The following PDE1C variants were observed in gnomAD, a reference collection of about 807,000 sequenced individuals.
PDE1C encodes phosphodiesterase 1C, also known as dual specificity calcium/calmodulin-dependent 3',5'-cyclic nucleotide phosphodiesterase 1C.
In PDE1C, 62 loss-of-function variants were observed where a neutral mutation model predicts 93.1. That is an observed-to-expected ratio of 0.67 (90% CI 0.54 to 0.82). PDE1C has a LOEUF of 0.82. PDE1C is among the 40% of genes least tolerant of loss of function. PDE1C has a pLI of 0.00. For synonymous variants in PDE1C, 325 were observed against 310.1 expected, an observed-to-expected ratio of 1.05 and a Z score of -0.50; for missense variants, 742 against 884.6, an observed-to-expected ratio of 0.84 and a Z score of 2.04.
chr7:32,042,070 C>T (rs1235320540), intron 2 of PDE1C, among the ~76,000 whole-genome samples: 1 of 152,088 alleles, frequency 6.6e-6, no homozygotes, highest in African/African-American at 2.4e-5. Context: ...AAGGCCAAGG[C>T]GGGTGGATCA....
At chr7:31,883,530 A>G (rs1583773519) in intron 2 of PDE1C, among the ~76,000 whole-genome samples, 1 of 152,352 alleles carries the variant, frequency 6.6e-6, no homozygotes, top group Non-Finnish European at 1.5e-5. Flanking sequence ...TTCCTCTCCC[A>G]CTTTTACAAA....
chr7:32,183,646 T>C (rs1803609294), intron 2 of PDE1C, among the ~76,000 whole-genome samples: 3 of 152,036 alleles, frequency 2.0e-5, no homozygotes, highest in Admixed American at 6.6e-5. Context: ...ATACAAAAAT[T>C]AATTCAAGAT....
chr7:31,686,582 C>G, the PDE1C span: 1 of 152,136 alleles, frequency 6.6e-6, no homozygotes, highest in Middle Eastern at 3.1e-3. Flanking sequence ...TTTCATTACC[C>G]CATTCAAACC....
rs1182886402 is a variant in PDE1C at position 31,751,495 on chromosome 7, C to A, written c.*1889G>T. On this transcript the variant is annotated 3_prime_UTR_variant, in exon 18 of 18. Coordinates refer to ENST00000396191, the MANE Select transcript of PDE1C (RefSeq NM_001191057.4). ...AACATTATTTGAGGAGGCTACTACT[C>A]CCATGGGCCTCCTCAGTGTGTAGCC... The A allele has an allele frequency of 6.6e-6, 1 of 152,102 alleles. No homozygotes were observed. The highest frequency in any genetic ancestry group is 1.5e-5 in the Non-Finnish European group (1 of 68,016). The allele number at this position is 152,102 out of a possible 1,614,324, so 9.4% of individuals were successfully genotyped here. A position where few individuals can be genotyped will look rare whatever the true frequency, so the allele number is the denominator to read the frequency against.
At chr7:31,850,433 CA>C (rs1324809010) in intron 8 of PDE1C, among the ~76,000 whole-genome samples, 2 of 152,002 alleles carry the variant, frequency 1.3e-5, no homozygotes, top group African/African-American at 4.8e-5. Flanking sequence ...GAGATCTGAA[CA>C]AAATAGGAGA....
At chr7:31,848,126 T>A (rs1228926950) in intron 8 of PDE1C, 30 bp from the exon 9 acceptor site, 1 of 1,607,646 alleles carries the variant, frequency 6.2e-7, no homozygotes, top group African/African-American at 1.3e-5. Context: ...AAATTCAGAA[T>A]GTTAAACAGT....
At chr7:31,760,510 T>A (rs941939681) in intron 17 of PDE1C, among the ~76,000 whole-genome samples, 2 of 152,148 alleles carry the variant, frequency 1.3e-5, no homozygotes, top group Admixed American at 1.3e-4. Context: ...AGTGTGACCT[T>A]TGGAACCCCA....
At chr7:32,310,269 CA>C (rs1782983683) in intron 1 of PDE1C, among the ~76,000 whole-genome samples, 1 of 151,896 alleles carries the variant, frequency 6.6e-6, no homozygotes, top group African/African-American at 2.4e-5. Context: ...GAGTGACCTA[CA>C]AAGAGACTTA....
intron 2 of PDE1C, among the ~76,000 whole-genome samples, chr7:32,023,631 T>C (rs936252550): frequency 9.5e-5 from 12 of 126,162 alleles, no homozygotes; most frequent in Admixed American, 1.6e-4. Flanking sequence ...CTACAGTTTA[T>C]GCTGCGTGAG....
chr7:32,259,378 C>G (rs531884601), intron 1 of PDE1C, among the ~76,000 whole-genome samples: 3 of 152,240 alleles, frequency 2.0e-5, no homozygotes, highest in Admixed American at 2.0e-4. Context: ...TGAATAAGTG[C>G]CCAAAAGGTA....
chr7:32,137,374 T>C (rs991617190), intron 3 of PDE1C, among the ~76,000 whole-genome samples: 2 of 152,232 alleles, frequency 1.3e-5, no homozygotes, highest in African/African-American at 4.8e-5. Context: ...TTTGAGTCCA[T>C]GCTCCATTTT....
chr7:31,713,021 C>T, the PDE1C span, among the ~76,000 whole-genome samples: 3 of 152,150 alleles, frequency 2.0e-5, no homozygotes, highest in African/African-American at 7.2e-5. Flanking sequence ...ATCTCATGTC[C>T]TCACATTTCA....
intron 2 of PDE1C, among the ~76,000 whole-genome samples, chr7:31,905,437 CT>C (rs572658301): frequency 1.9e-3 from 295 of 152,108 alleles, no homozygotes; most frequent in African/African-American, 6.7e-3. Context: ...AAGATTATAC[CT>C]TTTCTTGCAG....
intron 3 of PDE1C, among the ~76,000 whole-genome samples, chr7:32,122,687 C>T (rs1799362701): frequency 6.6e-6 from 1 of 152,114 alleles, no homozygotes; most frequent in Admixed American, 6.5e-5. Flanking sequence ...ACACAGCATA[C>T]CAGAATCTCT....
At chr7:32,192,153 C>T (rs1584934336) in intron 2 of PDE1C, among the ~76,000 whole-genome samples, 1 of 152,000 alleles carries the variant, frequency 6.6e-6, no homozygotes. Flanking sequence ...TATTTTATCC[C>T]ACCTTGTAGA....
chr7:31,801,926 T>C (rs190305348), intron 16 of PDE1C, among the ~76,000 whole-genome samples: 124 of 151,686 alleles, frequency 8.2e-4, no homozygotes, highest in Admixed American at 2.9e-3. Flanking sequence ...AGTGTAATTT[T>C]GTTGCATTAA....
At chr7:31,969,961 G>A (rs1810682073) in intron 2 of PDE1C, among the ~76,000 whole-genome samples, 1 of 152,112 alleles carries the variant, frequency 6.6e-6, no homozygotes. Flanking sequence ...ATGGACACAG[G>A]AAGGGGAACA....
intron 1 of PDE1C, among the ~76,000 whole-genome samples, chr7:32,274,196 G>T (rs1222244119): frequency 6.6e-6 from 1 of 151,512 alleles, no homozygotes; most frequent in South Asian, 2.1e-4. Context: ...CATTTATTTA[G>T]GATAGTTTTT....
chr7:32,379,073 A>C (rs946940548), intron 1 of PDE1C, among the ~76,000 whole-genome samples: 3 of 151,932 alleles, frequency 2.0e-5, no homozygotes, highest in Non-Finnish European at 4.4e-5. Flanking sequence ...TGGCCTACCT[A>C]CCTCTCCTGC....
Sources: gnomAD v4.1 joint callset for allele counts (sites outside exome capture counted in the v4.1 genomes callset) on GRCh38, gnomAD v4.1.1 for gene constraint, MANE v1.5 for transcripts, NCBI Gene and HGNC (gene_info 2026-07-23, HGNC 2026-07-21) for gene names.